Variants in LHPP observed in about 807,000 individuals in gnomAD.
LHPP encodes the protein phospholysine phosphohistidine inorganic pyrophosphate phosphatase.
A neutral mutation model predicts 30.3 loss-of-function variants in LHPP; 24 were observed. The observed-to-expected ratio is 0.79, with a 90% CI of 0.57 to 1.11. The LOEUF (loss-of-function observed/expected upper bound fraction) is 1.11, where lower values mean the gene tolerates loss of function less well. Among genes scored for constraint, LHPP ranks in the 50% most tolerant of loss-of-function variants. The probability of loss-of-function intolerance (pLI) is 0.00; values close to 1 mark genes in which losing one functional copy is unlikely to be tolerated. For missense variants in LHPP, 356 were observed against 367.2 expected (o/e 0.97, Z 0.25); for synonymous variants, 150 against 157.1 (o/e 0.95, Z 0.34).
At chr10:124,595,761 G>C (rs1192246612) in intron 6 of LHPP, among the ~76,000 whole-genome samples, 1 of 152,180 alleles carries the variant, frequency 6.6e-6, no homozygotes, top group African/African-American at 2.4e-5. Context: ...ATCACTGTGT[G>C]CCCTTCTAGG....
chr10:124,534,948 C>T (rs1000864221), intron 6 of LHPP, among the ~76,000 whole-genome samples: 8 of 152,206 alleles, frequency 5.3e-5, no homozygotes, highest in Admixed American at 2.6e-4. Flanking sequence ...TGAAAGATTT[C>T]GCCATGGGAA....
intron 6 of LHPP, among the ~76,000 whole-genome samples, chr10:124,610,368 CTGG>C (rs1564852695): frequency 1.1e-4 from 16 of 145,408 alleles, no homozygotes; most frequent in African/African-American, 1.6e-4. Context: ...GGTGAGGGTG[CTGG>C]TGGAGCGGGT....
intron 6 of LHPP, among the ~76,000 whole-genome samples, chr10:124,532,875 A>G (rs1954932924): frequency 6.6e-6 from 1 of 152,136 alleles, no homozygotes; most frequent in Non-Finnish European, 1.5e-5. Flanking sequence ...GTCCCGAGGA[A>G]GGGGCATTCT....
chr10:124,586,504 C>A (rs1200784125), intron 6 of LHPP, among the ~76,000 whole-genome samples: 1 of 152,210 alleles, frequency 6.6e-6, no homozygotes, highest in Non-Finnish European at 1.5e-5. Context: ...GGGGAAGACA[C>A]AAACTCAGCA....
chr10:124,521,925 G>A (rs1472472970), intron 6 of LHPP, among the ~76,000 whole-genome samples: 4 of 152,236 alleles, frequency 2.6e-5, no homozygotes, highest in Admixed American at 2.0e-4. Flanking sequence ...CTGAGAGGCC[G>A]AGAGGTGGCT....
At chr10:124,494,183 C>T (rs11245200) in intron 3 of LHPP, among the ~76,000 whole-genome samples, 15,870 of 152,164 alleles carry the variant, frequency 0.1, 849 homozygotes, top group East Asian at 0.12. Flanking sequence ...AGGTTTCTTT[C>T]GCTTTCGAAG....
At chr10:124,473,527 A>C (rs994666811) in intron 1 of LHPP, among the ~76,000 whole-genome samples, 1 of 152,122 alleles carries the variant, frequency 6.6e-6, no homozygotes, top group African/African-American at 2.4e-5. Context: ...TCTGCCCCAT[A>C]GTTGCCATGT....
intron 6 of LHPP, among the ~76,000 whole-genome samples, chr10:124,549,324 T>C (rs1168870115): frequency 6.6e-6 from 1 of 151,978 alleles, no homozygotes; most frequent in African/African-American, 2.4e-5. Context: ...CCCCAGCTAC[T>C]CGGGAGGCTG....
At chr10:124,471,923 C>G (rs912178018) in intron 1 of LHPP, among the ~76,000 whole-genome samples, 1 of 150,574 alleles carries the variant, frequency 6.6e-6, no homozygotes, top group Non-Finnish European at 1.5e-5. Flanking sequence ...TGTGTGCCAC[C>G]GTGTCTAGCT....
intron 5 of LHPP, among the ~76,000 whole-genome samples, chr10:124,513,073 A>AGTTT (rs113429645): frequency 0.18 from 26,696 of 151,266 alleles, 2,640 homozygotes; most frequent in South Asian, 0.33. Flanking sequence ...GAAGACATGT[A>AGTTT]GTTTGTTTGT....
chr10:124,553,879 A>T (rs531324246), intron 6 of LHPP: 1 of 985,264 alleles, frequency 1.0e-6, no homozygotes, highest in African/African-American at 1.7e-5. Flanking sequence ...GGCCCACCAC[A>T]TCTGTCTTAC....
intron 5 of LHPP, among the ~76,000 whole-genome samples, chr10:124,509,683 T>C (rs1307764212): frequency 3.3e-5 from 5 of 151,430 alleles, no homozygotes; most frequent in Non-Finnish European, 5.9e-5. Flanking sequence ...GGAGCCTGGG[T>C]TCCTTTGGGG....
chr10:124,519,034 G>C (rs766199670), intron 6 of LHPP, among the ~76,000 whole-genome samples: 3 of 151,986 alleles, frequency 2.0e-5, no homozygotes, highest in African/African-American at 7.3e-5. Flanking sequence ...TGCAACCTCC[G>C]CCTCCCAGGC....
intron 6 of LHPP, among the ~76,000 whole-genome samples, chr10:124,542,948 TGC>T (rs1303816190): frequency 6.6e-6 from 1 of 152,180 alleles, no homozygotes; most frequent in African/African-American, 2.4e-5. Flanking sequence ...CCATGGCTCT[TGC>T]CACAGTGGGG....
At chr10:124,470,307 C>G (rs757092357) in intron 1 of LHPP, among the ~76,000 whole-genome samples, 6 of 152,108 alleles carry the variant, frequency 3.9e-5, no homozygotes, top group Non-Finnish European at 8.8e-5. Flanking sequence ...AGGCCCGGCT[C>G]GGCGTTTTTG....
intron 1 of LHPP, among the ~76,000 whole-genome samples, chr10:124,466,524 T>C (rs547572583): frequency 1.3e-5 from 2 of 152,170 alleles, no homozygotes; most frequent in Non-Finnish European, 2.9e-5. Flanking sequence ...TGGTGCAATT[T>C]TGGCTTACTG....
chr10:124,466,614 G>A (rs1249191811), intron 1 of LHPP, among the ~76,000 whole-genome samples: 2 of 151,912 alleles, frequency 1.3e-5, no homozygotes, highest in African/African-American at 4.8e-5. Flanking sequence ...CTGCCACCAT[G>A]CCTGGCTAAT....
At chr10:124,482,904 T>G (rs546374009) in intron 1 of LHPP, among the ~76,000 whole-genome samples, 1 of 152,332 alleles carries the variant, frequency 6.6e-6, no homozygotes, top group African/African-American at 2.4e-5. Flanking sequence ...CCTCCTCCTA[T>G]TCCAACCTGG....
chr10:124,511,280 C>T (rs539925699), intron 5 of LHPP, among the ~76,000 whole-genome samples: 1 of 152,154 alleles, frequency 6.6e-6, no homozygotes, highest in Admixed American at 6.5e-5. Flanking sequence ...CTCTCACTTA[C>T]CATAATAGAT....
Sources: allele counts gnomAD v4.1 joint callset (sites outside exome capture counted in the v4.1 genomes callset), GRCh38; gene constraint gnomAD v4.1.1; transcripts MANE v1.5; gene names NCBI Gene and HGNC (gene_info 2026-07-23, HGNC 2026-07-21).